The following SMIM22 variants were observed in gnomAD, a reference collection of about 807,000 sequenced individuals.
SMIM22 encodes small integral membrane protein 22.
A neutral mutation model predicts 8.4 loss-of-function variants in SMIM22; 16 were observed. The observed-to-expected ratio is 1.90, with a 90% CI of 1.29 to 2.89. SMIM22 has a LOEUF of 2.89. Ranked by LOEUF, SMIM22 falls within the 30% of genes most tolerant of loss-of-function variation. SMIM22 has a pLI of 0.00. For missense variants in SMIM22, 159 were observed against 107.5 expected (o/e 1.48, Z -2.12); for synonymous variants, 67 against 47.6 (o/e 1.41, Z -1.68).
chr16:4,788,928 C>T (rs182717933), intron 2 of SMIM22, among the ~76,000 whole-genome samples: 3 of 152,282 alleles, frequency 2.0e-5, no homozygotes, highest in African/African-American at 7.2e-5. Flanking sequence ...AGGTTATCAC[C>T]CTGACTTGAG....
chr16:4,793,590 G>A (rs1373560112), upstream of SMIM22, among the ~76,000 whole-genome samples: 1 of 152,168 alleles, frequency 6.6e-6, no homozygotes, highest in Non-Finnish European at 1.5e-5. Flanking sequence ...TAAGGACAGT[G>A]AAGAGTCCTA....
chr16:4,795,477 C>T, intron 1 of SMIM22, 28 bp downstream of exon 1: 1 of 521,272 alleles, frequency 1.9e-6, no homozygotes, highest in Non-Finnish European at 3.4e-6. Flanking sequence ...GGCTGGGCTG[C>T]CAGGGGGAGA....
upstream of SMIM22, among the ~76,000 whole-genome samples, chr16:4,792,186 C>A (rs1020599323): frequency 9.9e-5 from 15 of 151,918 alleles, no homozygotes; most frequent in South Asian, 4.2e-4. Flanking sequence ...CACAGTTGTT[C>A]CCCTGCACTT....
chr16:4,791,011 G>A (rs1223892742), upstream of SMIM22, among the ~76,000 whole-genome samples: 1 of 152,204 alleles, frequency 6.6e-6, no homozygotes, highest in Non-Finnish European at 1.5e-5. Context: ...GTTAGTGGAT[G>A]AACAAATGGC....
Position 4,796,261 on chromosome 16 carries a change from A to C in SMIM22, c.*30A>C, listed in dbSNP as rs1216223867. On this transcript the variant is annotated 3_prime_UTR_variant, in exon 4 of 4. Transcript: ENST00000586005. ...GTGTCTCCTGCCCGGTGGCAGTAAC[A>C]AAGCCTTCTGTCTGCCCAGAGCCTG... 2 of 1,534,714 alleles carry C rather than the reference A, an allele frequency of 1.3e-6. No homozygotes were observed. The highest frequency in any genetic ancestry group is 3.9e-5 in the Admixed American group (2 of 50,884).
chr16:4,795,708 G>C lies in SMIM22; in HGVS notation c.-20-7G>C. 2.0e-6 allele frequency: 3 copies of C among 1,533,598 alleles called. No individual in the cohort carries two copies. The highest frequency in any genetic ancestry group is 2.6e-6 in the Non-Finnish European group (3 of 1,146,034). The allele number at this position is 1,533,598 out of a possible 1,614,324, so 95.0% of individuals were successfully genotyped here. A position where few individuals can be genotyped will look rare whatever the true frequency, so the allele number is the denominator to read the frequency against. On this transcript the variant is annotated splice_polypyrimidine_tract_variant and splice_region_variant and intron_variant, in intron 1 of 3. Coordinates refer to ENST00000586005, the MANE Select transcript of SMIM22 (RefSeq NM_001253794.2). ...ATCCTGATGCAGCCTCTGGGGGACCGGGGCAGGTGGCACGGTGCACGCCAA... is the reference window on the plus strand; with the variant it reads ...ATCCTGATGCAGCCTCTGGGGGACCCGGGCAGGTGGCACGGTGCACGCCAA...
chr16:4,796,039 C>A lies in SMIM22; in HGVS notation c.216C>A (p.Ser72Arg). 2 of 1,528,806 alleles carry A rather than the reference C, an allele frequency of 1.3e-6. No individual in the cohort carries two copies. Among genetic ancestry groups the A allele is most frequent in the African/African-American group, 1.4e-5 (1 of 73,038 alleles). The allele number at this position is 1,528,806 out of a possible 1,614,324, so 94.7% of individuals were successfully genotyped here. ...GCAGGGAAAGCCCCAGGAAGGTGAGCCCCTGGAAGGTGAGCCCTGCCGGCC... is the reference window on the plus strand; with the variant it reads ...GCAGGGAAAGCCCCAGGAAGGTGAGACCCTGGAAGGTGAGCCCTGCCGGCC... ...GPRRESPRKV[S>R]PWKERPKGVD... The change falls in exon 3 of 4, where the codon AGC (serine) becomes AGA (arginine). Residue 72 changes from serine (S) to arginine (R), a missense_variant. Coordinates refer to ENST00000586005, the MANE Select transcript of SMIM22 (RefSeq NM_001253794.2).
chr16:4,794,078 G>A (rs1479615278), upstream of SMIM22, among the ~76,000 whole-genome samples: 12 of 151,868 alleles, frequency 7.9e-5, no homozygotes, highest in East Asian at 1.9e-3. Context: ...TGGGATTACA[G>A]GTGCCCGCCA....
rs774587898 is a variant in SMIM22 at position 4,796,079 on chromosome 16, G to A, written c.225+31G>A. ...CCCTGCCGGCCTCTGGGACCTGCAC[G>A]GAACTGTACTGGGGGTGGAGGCGGA... is the stretch of plus-strand genomic sequence containing the variant. On this transcript the variant is annotated intron_variant, in intron 3 of 3. Coordinates refer to ENST00000586005, the MANE Select transcript of SMIM22 (RefSeq NM_001253794.2). 1.0e-5 allele frequency: 16 copies of A among 1,534,814 alleles called. No homozygotes were observed. The South Asian group carries it at 1.1e-4, about 10-fold the overall frequency.
upstream of SMIM22, among the ~76,000 whole-genome samples, chr16:4,794,062 A>C (rs1222003548): frequency 6.6e-6 from 1 of 152,028 alleles, no homozygotes; most frequent in East Asian, 1.9e-4. Flanking sequence ...CAGCCTCCCA[A>C]GTAGCTGGGA....
chr16:4,790,612 AC>A (rs2082536775), upstream of SMIM22, among the ~76,000 whole-genome samples: 1 of 152,200 alleles, frequency 6.6e-6, no homozygotes, highest in South Asian at 2.1e-4. Flanking sequence ...ACATGGCGAA[AC>A]CCCATCTCTA....
At chr16:4,791,953 C>G (rs1044221103), upstream of SMIM22, among the ~76,000 whole-genome samples, 1 of 152,162 alleles carries the variant, frequency 6.6e-6, no homozygotes, top group Non-Finnish European at 1.5e-5. Flanking sequence ...TCCCAAAGTG[C>G]TTGGATTACT....
chr16:4,794,248 T>A (rs1287268426), upstream of SMIM22, among the ~76,000 whole-genome samples: 1 of 149,220 alleles, frequency 6.7e-6, no homozygotes, highest in Non-Finnish European at 1.5e-5. Flanking sequence ...GTTGGGACTA[T>A]AGGCGCGTGC....
Position 4,796,180 on chromosome 16 carries a change from T to G in SMIM22, c.226-10T>G, listed in dbSNP as rs2082641831. 6.5e-7 allele frequency: 1 copy of G among 1,535,978 alleles called. No individual in the cohort carries two copies. Among genetic ancestry groups the G allele is most frequent in the Non-Finnish European group, 8.7e-7 (1 of 1,146,860 alleles). On this transcript the variant is annotated splice_polypyrimidine_tract_variant and intron_variant, in intron 3 of 3. Coordinates refer to ENST00000586005, the MANE Select transcript of SMIM22 (RefSeq NM_001253794.2). ...CGAACCTGCTTGGTCCCGCTGTGCT[T>G]CTCGTGCAGGAAAGACCCAAGGGAG...
chr16:4,791,818 G>C (rs1220064153), upstream of SMIM22, among the ~76,000 whole-genome samples: 2 of 152,104 alleles, frequency 1.3e-5, no homozygotes, highest in Admixed American at 6.6e-5. Flanking sequence ...TTCCCGAGTA[G>C]CTGGGATTAC....
Position 4,795,728 on chromosome 16 carries a change from C to A in SMIM22, c.-7C>A. The A allele has an allele frequency of 6.5e-7, 1 of 1,535,420 alleles. No homozygotes were observed. The highest frequency in any genetic ancestry group is 8.7e-7 in the Non-Finnish European group (1 of 1,146,656). ...GGACCGGGGCAGGTGGCACGGTGCA[C>A]GCCAAGATGGCTGTGTCCACAGAGG... On this transcript the variant is annotated 5_prime_UTR_variant, in exon 2 of 4. Transcript: ENST00000586005.
chr16:4,788,942 C>T (rs536421528), intron 2 of SMIM22, among the ~76,000 whole-genome samples: 13 of 152,278 alleles, frequency 8.5e-5, no homozygotes, highest in African/African-American at 2.9e-4. Flanking sequence ...ACTTGAGATG[C>T]CCTCTTTAAA....
rs2082633032 is a variant in SMIM22 at position 4,795,859 on chromosome 16, G to A, written c.124+1G>A. The stretch of plus-strand genomic sequence containing the variant: ...TTCATTGTTTTCCTCACCTTCATGG[G>A]TAAGTGTGGCTGTGGCCTCTGGGTC... On this transcript the variant is annotated splice_donor_variant, in intron 2 of 3. Coordinates refer to ENST00000586005, the MANE Select transcript of SMIM22 (RefSeq NM_001253794.2). LOFTEE classifies it high-confidence loss of function. 1.1e-5 allele frequency: 17 copies of A among 1,535,862 alleles called. No homozygotes were observed. Among genetic ancestry groups the A allele is most frequent in the Non-Finnish European group, 1.5e-5 (17 of 1,146,732 alleles).
upstream of SMIM22, among the ~76,000 whole-genome samples, chr16:4,793,253 G>T (rs1156721852): frequency 1.3e-5 from 2 of 152,114 alleles, no homozygotes; most frequent in Non-Finnish European, 2.9e-5. Context: ...GCAAAAGATG[G>T]ACTCTGCCCT....
Sources: allele counts gnomAD v4.1 joint callset (sites outside exome capture counted in the v4.1 genomes callset), GRCh38; gene constraint gnomAD v4.1.1; transcripts MANE v1.5; gene names NCBI Gene and HGNC (gene_info 2026-07-23, HGNC 2026-07-21).